The following SYNC variants were observed in gnomAD, a reference collection of about 807,000 sequenced individuals.
SYNC encodes the protein syncoilin, intermediate filament protein, also known as syncoilin.
Under a neutral mutation model 49.5 loss-of-function variants are expected in SYNC, and 38 were observed. The ratio of observed to expected loss-of-function variants is 0.77; its 90% CI spans 0.59 to 1.01. The LOEUF is 1.01. SYNC is among the 50% of genes least tolerant of loss of function. The pLI is 0.00. For missense variants in SYNC, 579 were observed against 580.6 expected, an observed-to-expected ratio of 1.00 and a Z score of 0.03; for synonymous variants, 201 against 230.8, an observed-to-expected ratio of 0.87 and a Z score of 1.17.
Position 32,679,932 on chromosome 1 carries a change from A to C in SYNC, c.*1918T>G. 1.5e-6 allele frequency: 2 copies of C among 1,299,316 alleles called. No homozygotes were observed. Among genetic ancestry groups the C allele is most frequent in the Non-Finnish European group, 1.9e-6 (2 of 1,027,140 alleles). 80.5% of individuals were successfully genotyped at this position (1,299,316 alleles called of 1,614,324 possible). ...TTGAAATTTTCTTCAGGAATTTTCT[A>C]GTAACCCAGGTCTAAAGTAGCTACA... On this transcript the variant is annotated 3_prime_UTR_variant, in exon 5 of 5. Transcript: ENST00000409190.
Position 32,680,290 on chromosome 1 carries a change from A to G in SYNC, c.*1560T>C. 2 of 1,241,254 alleles carry G rather than the reference A, an allele frequency of 1.6e-6. No individual in the cohort carries two copies. Among genetic ancestry groups the G allele is most frequent in the Non-Finnish European group, 2.0e-6 (2 of 995,292 alleles). 76.9% of individuals were successfully genotyped at this position (1,241,254 alleles called of 1,614,324 possible). On this transcript the variant is annotated 3_prime_UTR_variant, in exon 5 of 5. Coordinates refer to ENST00000409190, the MANE Select transcript of SYNC (RefSeq NM_030786.3). Reference sequence around the variant, plus strand: ...TTCATATATTTTTGCTCGTTAGTGTATTTCTTGAGCTGTTTTCATGTTGTT... The same window carrying G: ...TTCATATATTTTTGCTCGTTAGTGTGTTTCTTGAGCTGTTTTCATGTTGTT...
At chr1:32,702,780 C>T (rs1650721941), upstream of SYNC, 1 of 875,388 alleles carries the variant, frequency 1.1e-6, no homozygotes, top group South Asian at 5.3e-5. This position sits in a 1 kb window ranked among gnomAD's most constrained non-coding sequence, Gnocchi z 6.2. Context: ...CGGCCGGCCC[C>T]GGGCCGGGCG....
intron 2 of SYNC, chr1:32,686,255 A>G (rs1361532976): frequency 1.3e-5 from 2 of 152,180 alleles, no homozygotes; most frequent in East Asian, 3.8e-4. Flanking sequence ...GAACATTTAA[A>G]ATGACATCTG....
Position 32,694,958 on chromosome 1 carries a change from TGCTTGCA to T in SYNC, c.1133_1139del (p.Leu378GlnfsTer20). ...TTTGCAGGCGGAGCTGCCGGGCCTC[TGCTTGCA>T]GGGGTCTCAGAGCCTCCTTCATTTC... On this transcript the variant is annotated frameshift_variant, in exon 2 of 5. Coordinates refer to ENST00000409190, the MANE Select transcript of SYNC (RefSeq NM_030786.3). LOFTEE classifies it high-confidence loss of function. 6 of 1,613,986 alleles carry T rather than the reference TGCTTGCA, an allele frequency of 3.7e-6. No homozygotes were observed. Among genetic ancestry groups the T allele is most frequent in the Non-Finnish European group, 5.1e-6 (6 of 1,180,028 alleles).
intron 1 of SYNC, among the ~76,000 whole-genome samples, chr1:32,699,539 T>A (rs530324348): frequency 6.6e-6 from 1 of 152,058 alleles, no homozygotes; most frequent in African/African-American, 2.4e-5. Context: ...CTCCAAGACA[T>A]CCTGTCTCAC....
At chr1:32,690,490 C>G (rs1473220395) in intron 2 of SYNC, among the ~76,000 whole-genome samples, 3 of 151,014 alleles carry the variant, frequency 2.0e-5, no homozygotes, top group Non-Finnish European at 3.0e-5. Context: ...ACTAAAAATA[C>G]AAAAATTAGC....
intron 2 of SYNC, chr1:32,685,753 C>G (rs1649782153): frequency 6.6e-6 from 1 of 152,186 alleles, no homozygotes; most frequent in African/African-American, 2.4e-5. Flanking sequence ...AAAGTACATG[C>G]TTGGAAAAGC....
rs543177557 is a variant in SYNC at position 32,680,925 on chromosome 1, C to A, written c.*925G>T. On this transcript the variant is annotated 3_prime_UTR_variant, in exon 5 of 5. Transcript: ENST00000409190. The stretch of plus-strand genomic sequence containing the variant: ...ATCTGTAGAGAACTACATGGACTTC[C>A]AAGAGTGTCAAAGGCAGTGTGGTAG... The A allele has an allele frequency of 6.0e-4, 112 of 186,798 alleles. No homozygotes were observed. Among genetic ancestry groups the A allele is most frequent in the Non-Finnish European group, 1.0e-3 (94 of 91,236 alleles). The allele number at this position is 186,798 out of a possible 1,614,324, so 11.6% of individuals were successfully genotyped here. A position where few individuals can be genotyped will look rare whatever the true frequency, so the allele number is the denominator to read the frequency against.
chr1:32,686,086 T>C (rs1649810903), intron 2 of SYNC: 2 of 152,208 alleles, frequency 1.3e-5, no homozygotes, highest in African/African-American at 4.8e-5. Context: ...TGAGATGTAA[T>C]GTAAGTGTAA....
intron 2 of SYNC, among the ~76,000 whole-genome samples, chr1:32,688,095 A>G (rs1246783731): frequency 6.6e-6 from 1 of 151,978 alleles, no homozygotes; most frequent in African/African-American, 2.4e-5. Context: ...TCGGCCTCCC[A>G]AAGTGCTGGG....
intron 4 of SYNC, chr1:32,683,177 G>GA (rs1649561160): frequency 6.6e-6 from 1 of 151,452 alleles, no homozygotes; most frequent in South Asian, 2.1e-4. Context: ...AGCTACTTGG[G>GA]AGGCTGAGGC....
intron 2 of SYNC, 87 bp from the exon 3 acceptor site, chr1:32,684,469 T>C: frequency 6.3e-7 from 1 of 1,583,820 alleles, no homozygotes; most frequent in Non-Finnish European, 8.6e-7. Context: ...ACTTTTTTGT[T>C]CATTGTTTAA....
Position 32,695,001 on chromosome 1 carries a change from G to C in SYNC, c.1097C>G (p.Ala366Gly), listed in dbSNP as rs775212255. Residue 366 changes from alanine to glycine, a missense_variant, in exon 2 of 5, where the codon GCT (alanine) becomes GGT (glycine). Ala to Gly is a moderately conservative substitution (Grantham distance 60, BLOSUM62 0). Coordinates refer to ENST00000409190, the MANE Select transcript of SYNC (RefSeq NM_030786.3). ...AGCCTCCTTCATTTCCTGGATCTCA[G>C]CCTGGGTTCTCTGCAGAGCTTTGGT... ...AGTKALQRTQ[A>G]EIQEMKEALR... The C allele has an allele frequency of 6.2e-7, 1 of 1,614,046 alleles. No individual in the cohort carries two copies. Among genetic ancestry groups the C allele is most frequent in the East Asian group, 2.2e-5 (1 of 44,864 alleles).
In SYNC at chr1:32,680,141, A is replaced by G. The variant is rs9851; in HGVS notation, c.*1709T>C. ...CAGGAAATAGGGGGAGATTCAAGTC[A>G]TATAGATTCCTACTCGAAAATCTTG... On this transcript the variant is annotated 3_prime_UTR_variant, in exon 5 of 5. Transcript: ENST00000409190. 807,256 of 1,073,852 alleles carry G rather than the reference A, an allele frequency of 0.75. 311,709 individuals are homozygous for G. The highest frequency in any genetic ancestry group is 0.79 in the Non-Finnish European group (699,090 of 888,528). The allele number at this position is 1,073,852 out of a possible 1,614,324, so 66.5% of individuals were successfully genotyped here.
intron 2 of SYNC, among the ~76,000 whole-genome samples, chr1:32,686,501 A>T (rs1649840646): frequency 6.6e-6 from 1 of 152,240 alleles, no homozygotes; most frequent in Admixed American, 6.5e-5. Context: ...GAAAGGATAC[A>T]TTCCCCAACT....
chr1:32,680,735 AGTT>A lies in SYNC; in HGVS notation c.*1112_*1114del. The A allele has an allele frequency of 1.8e-6, 1 of 550,402 alleles. No individual in the cohort carries two copies. Among genetic ancestry groups the A allele is most frequent in the Non-Finnish European group, 3.2e-6 (1 of 312,116 alleles). 34.1% of individuals were successfully genotyped at this position (550,402 alleles called of 1,614,324 possible). A position where few individuals can be genotyped will look rare whatever the true frequency, so the allele number is the denominator to read the frequency against. ...CTTCTAGAAGAGTCCTTCAGATGAC[AGTT>A]GTTGTCCATGGTCTTTGACTATCAA... On this transcript the variant is annotated 3_prime_UTR_variant, in exon 5 of 5. Transcript: ENST00000409190.
chr1:32,687,479 C>T (rs1420239907), intron 2 of SYNC, among the ~76,000 whole-genome samples: 2 of 151,718 alleles, frequency 1.3e-5, no homozygotes, highest in African/African-American at 2.4e-5. Flanking sequence ...AAAACCATCC[C>T]GGCCAACGTG....
At chr1:32,702,906 G>A (rs2148567321), upstream of SYNC, 2 of 173,818 alleles carry the variant, frequency 1.2e-5, no homozygotes, top group Middle Eastern at 2.6e-3. This position sits in a 1 kb window ranked among gnomAD's most constrained non-coding sequence, Gnocchi z 6.2. Context: ...ACGGGGGCCT[G>A]GAGCTGTCTT....
chr1:32,682,874 T>A (rs952698698), intron 4 of SYNC: 1 of 152,216 alleles, frequency 6.6e-6, no homozygotes, highest in African/African-American at 2.4e-5. Context: ...TTATCCTTAG[T>A]TTCTTTCACG....
Sources: gnomAD v4.1 joint callset for allele counts (sites outside exome capture counted in the v4.1 genomes callset) on GRCh38, gnomAD v4.1.1 for gene constraint, Gnocchi (gnomAD v3.1) non-coding constraint, MANE v1.5 for transcripts, NCBI Gene and HGNC (gene_info 2026-07-23, HGNC 2026-07-21) for gene names.